The following CCSER1 variants were observed in gnomAD, a reference collection of about 807,000 sequenced individuals.
CCSER1 encodes coiled-coil serine rich protein 1.
A neutral mutation model predicts 82.0 loss-of-function variants in CCSER1; 41 were observed. That is an observed-to-expected ratio of 0.50 (90% confidence interval 0.39 to 0.65). CCSER1 has a LOEUF of 0.65. CCSER1 is among the 30% of genes least tolerant of loss of function. CCSER1 has a pLI of 0.00. For missense variants in CCSER1, 1,119 were observed against 1,064.2 expected, an observed-to-expected ratio of 1.05 and a Z score of -0.72; for synonymous variants, 414 against 383.9, an observed-to-expected ratio of 1.08 and a Z score of -0.92.
At chr4:91,068,676 C>T (rs951268069) in intron 9 of CCSER1, among the ~76,000 whole-genome samples, 14 of 152,012 alleles carry the variant, frequency 9.2e-5, no homozygotes, top group African/African-American at 2.2e-4. Context: ...GTACCTACAG[C>T]GCAGGTGAAA....
At chr4:90,283,393 G>T (rs1451423247) in intron 1 of CCSER1, among the ~76,000 whole-genome samples, 1 of 151,650 alleles carries the variant, frequency 6.6e-6, no homozygotes, top group East Asian at 1.9e-4. Flanking sequence ...ACATATTTAT[G>T]GGGTACATGT....
At chr4:91,332,288 A>G (rs916162922) in intron 10 of CCSER1, among the ~76,000 whole-genome samples, 5 of 151,894 alleles carry the variant, frequency 3.3e-5, no homozygotes, top group Admixed American at 6.6e-5. Flanking sequence ...TTTAATCTGG[A>G]AAGCATTGCT....
intron 1 of CCSER1, among the ~76,000 whole-genome samples, chr4:90,187,452 A>C (rs182004586): frequency 6.6e-6 from 1 of 151,206 alleles, no homozygotes; most frequent in African/African-American, 2.4e-5. Flanking sequence ...CACACACACA[A>C]ACTCAATTCT....
chr4:90,584,381 G>T (rs953824963), intron 5 of CCSER1, among the ~76,000 whole-genome samples: 32 of 152,228 alleles, frequency 2.1e-4, no homozygotes, highest in African/African-American at 7.7e-4. Flanking sequence ...AGCCAGCAAG[G>T]AAAAGAGAAC....
intron 1 of CCSER1, among the ~76,000 whole-genome samples, chr4:90,206,315 G>A (rs1000632752): frequency 5.9e-5 from 9 of 152,002 alleles, no homozygotes; most frequent in Non-Finnish European, 7.4e-5. Flanking sequence ...GATCTTTCCC[G>A]CTGTCTCCTG....
chr4:91,331,004 C>T lies in CCSER1; in HGVS notation c.2217+245010C>T, dbSNP rs575867237. Among the ~76,000 whole-genome samples the T allele has an allele frequency of 2.4e-3, 364 of 152,172 alleles. 1 individual carries two copies. Among genetic ancestry groups the T allele is most frequent in the Non-Finnish European group, 3.6e-3 (245 of 67,980 alleles). On this transcript the variant is annotated intron_variant, in intron 10 of 10. Transcript: ENST00000509176. ...TATTCATAACTTATAGGCTAACCTG[C>T]TGTTATTATACAGGAAAAACCATAG...
chr4:91,262,252 A>C (rs965380621), intron 10 of CCSER1, among the ~76,000 whole-genome samples: 9 of 152,172 alleles, frequency 5.9e-5, no homozygotes, highest in Non-Finnish European at 2.9e-5. Flanking sequence ...TCTACCTCTT[A>C]AGTTTCTTGT....
At chr4:91,088,418 A>C (rs554208007) in intron 10 of CCSER1, among the ~76,000 whole-genome samples, 1 of 152,264 alleles carries the variant, frequency 6.6e-6, no homozygotes, top group Admixed American at 6.5e-5. Flanking sequence ...TATTTAGCTA[A>C]GTGGTAAATA....
At chr4:90,815,738 G>C (rs775520433) in intron 7 of CCSER1, 24 bp from the exon 8 acceptor site, 1 of 1,524,312 alleles carries the variant, frequency 6.6e-7, no homozygotes, top group East Asian at 2.5e-5. Context: ...AGCCTATTAT[G>C]CTGTCTCTTT....
chr4:90,999,350 A>G (rs1361549113), intron 9 of CCSER1, among the ~76,000 whole-genome samples: 1 of 152,232 alleles, frequency 6.6e-6, no homozygotes, highest in African/African-American at 2.4e-5. Flanking sequence ...TCCCACCAAC[A>G]GTGTATAAGC....
chr4:90,376,870 G>T (rs1355629661), intron 3 of CCSER1, among the ~76,000 whole-genome samples: 1 of 152,090 alleles, frequency 6.6e-6, no homozygotes, highest in Non-Finnish European at 1.5e-5. Flanking sequence ...AAGGATATTT[G>T]TACAGTGAAC....
At chr4:90,905,382 A>T (rs1725317252) in intron 8 of CCSER1, among the ~76,000 whole-genome samples, 1 of 151,780 alleles carries the variant, frequency 6.6e-6, no homozygotes, top group Non-Finnish European at 1.5e-5. Flanking sequence ...ACACACACAC[A>T]CATATATTAG....
intron 9 of CCSER1, among the ~76,000 whole-genome samples, chr4:91,027,503 T>C (rs1476546685): frequency 6.6e-6 from 1 of 152,086 alleles, no homozygotes; most frequent in East Asian, 1.9e-4. Flanking sequence ...GTATATATGT[T>C]TCAAAAGACT....
At chr4:90,799,667 T>A (rs1266733219) in intron 7 of CCSER1, among the ~76,000 whole-genome samples, 1 of 151,988 alleles carries the variant, frequency 6.6e-6, no homozygotes, top group Non-Finnish European at 1.5e-5. Flanking sequence ...CCTGACAGAG[T>A]TCAGGTCCAG....
chr4:90,859,654 T>C (rs1224693464), intron 8 of CCSER1, among the ~76,000 whole-genome samples: 3 of 151,922 alleles, frequency 2.0e-5, no homozygotes, highest in South Asian at 2.1e-4. Flanking sequence ...GATCATTGTT[T>C]TTCTTTATAA....
Position 91,251,218 on chromosome 4 carries a change from A to G in CCSER1, c.2217+165224A>G, listed in dbSNP as rs540056202. On this transcript the variant is annotated intron_variant, in intron 10 of 10. Coordinates refer to ENST00000509176, the MANE Select transcript of CCSER1 (RefSeq NM_001145065.2). The stretch of plus-strand genomic sequence containing the variant: ...GCTAGAAGTCCAAGATCAGGGTGCC[A>G]GCATGGTTGGGTTCTAGTGAGGGCC... 4.1e-4 allele frequency among the ~76,000 whole-genome samples: 63 copies of G among 152,266 alleles called. 1 individual carries two copies. In the South Asian group the frequency reaches 0.013, roughly 31 times the overall value.
At chr4:91,508,158 CTGGGTTTTTTTTTTTTTTTT>C (rs1255609014) in intron 10 of CCSER1, among the ~76,000 whole-genome samples, 2 of 35,552 alleles carry the variant, frequency 5.6e-5, no homozygotes, top group African/African-American at 2.1e-4. Flanking sequence ...TTTTTTTTTT[CTGGGTTTTTTTTTTTTTTTT>C]TCCTGATCTT....
intron 5 of CCSER1, among the ~76,000 whole-genome samples, chr4:90,557,398 G>A (rs1280211907): frequency 6.6e-6 from 1 of 151,970 alleles, no homozygotes; most frequent in African/African-American, 2.4e-5. Flanking sequence ...AGATGATTAT[G>A]TTCCTACTAA....
intron 10 of CCSER1, among the ~76,000 whole-genome samples, chr4:91,282,725 A>G (rs1191381423): frequency 6.6e-6 from 1 of 152,166 alleles, no homozygotes; most frequent in Non-Finnish European, 1.5e-5. Flanking sequence ...CCAAGGCCTT[A>G]ATATTAGGAT....
Sources: allele counts gnomAD v4.1 joint callset (sites outside exome capture counted in the v4.1 genomes callset), GRCh38; gene constraint gnomAD v4.1.1; transcripts MANE v1.5; gene names NCBI Gene and HGNC (gene_info 2026-07-23, HGNC 2026-07-21).